The following IL22RA1 variants were observed in gnomAD, a reference collection of about 807,000 sequenced individuals.
IL22RA1 encodes the protein interleukin-22 receptor subunit alpha-1.
In IL22RA1, 25 loss-of-function variants were observed where a neutral mutation model predicts 32.8. The observed-to-expected ratio is 0.76, with a 90% confidence interval of 0.55 to 1.06. The LOEUF (loss-of-function observed/expected upper bound fraction) is 1.06, where lower values mean the gene tolerates loss of function less well. Ranked by LOEUF, IL22RA1 falls within the 50% of genes least tolerant of loss-of-function variation. The probability of loss-of-function intolerance (pLI) is 0.00; values close to 1 mark genes in which losing one functional copy is unlikely to be tolerated. For synonymous variants in IL22RA1, 305 were observed against 305.0 expected (o/e 1.00, Z 0.00); for missense variants, 709 against 727.4 (o/e 0.97, Z 0.29).
intron 4 of IL22RA1, among the ~76,000 whole-genome samples, chr1:24,132,549 G>T (rs1287247839): frequency 1.3e-5 from 2 of 151,736 alleles, no homozygotes; most frequent in Non-Finnish European, 2.9e-5. Context: ...AGCCAGGATG[G>T]TCTGCATCTC....
Position 24,128,967 on chromosome 1 carries a change from C to T in IL22RA1, c.532-688G>A, listed in dbSNP as rs903269779. ...TCATTTGTCTCTGCAGCCCACCTGG[C>T]TCTGCAGGCTCATCAATGCTGGATA... On this transcript the variant is annotated intron_variant, in intron 4 of 6. Coordinates refer to ENST00000270800, the MANE Select transcript of IL22RA1 (RefSeq NM_021258.4). 5.9e-5 allele frequency among the ~76,000 whole-genome samples: 9 copies of T among 152,228 alleles called. No individual in the cohort carries two copies. The East Asian group carries it at 9.6e-4, about 16-fold the overall frequency.
chr1:24,134,160 A>C, intron 4 of IL22RA1, 51 bp downstream of exon 4: 1 of 1,497,112 alleles, frequency 6.7e-7, no homozygotes, highest in South Asian at 1.2e-5. Flanking sequence ...TCTAATTGGG[A>C]GGGAAGAGGC....
chr1:24,131,663 T>G (rs1018337360), intron 4 of IL22RA1, among the ~76,000 whole-genome samples: 1 of 152,218 alleles, frequency 6.6e-6, no homozygotes, highest in East Asian at 1.9e-4. Flanking sequence ...TCCACAATTA[T>G]AGTTGGAGAG....
At chr1:24,139,932 G>C (rs779318037) in intron 1 of IL22RA1, among the ~76,000 whole-genome samples, 3 of 152,234 alleles carry the variant, frequency 2.0e-5, no homozygotes, top group Non-Finnish European at 4.4e-5. Flanking sequence ...GCCCCAAGTT[G>C]ATCAGATGAA....
Position 24,121,107 on chromosome 1 carries a change from T to A in IL22RA1, c.1423A>T (p.Thr475Ser). Residue 475 changes from threonine to serine, a missense_variant, in exon 7 of 7, where the codon ACA (threonine) becomes TCA (serine). By Grantham distance (58) the Thr-to-Ser change is moderately conservative. Transcript: ENST00000270800. ...CTGTGTAGCACATTTGGGTCAGATG[T>A]TCTGTCTGTGCAAATCCCCAGGGGC... Reference protein sequence around the residue: ...HQPLGICTDRTSDPNVLHSGE... With the variant: ...HQPLGICTDRSSDPNVLHSGE... The A allele has an allele frequency of 6.2e-7, 1 of 1,614,192 alleles. No homozygotes were observed. The highest frequency in any genetic ancestry group is 8.5e-7 in the Non-Finnish European group (1 of 1,180,026).
chr1:24,133,651 G>A (rs555057277), intron 4 of IL22RA1, among the ~76,000 whole-genome samples: 6 of 152,228 alleles, frequency 3.9e-5, no homozygotes, highest in Non-Finnish European at 7.4e-5. Context: ...ATTGATTCTA[G>A]CATTTTCTAA....
At chr1:24,139,382 A>G (rs1293403190) in intron 1 of IL22RA1, among the ~76,000 whole-genome samples, 1 of 152,230 alleles carries the variant, frequency 6.6e-6, no homozygotes, top group African/African-American at 2.4e-5. Flanking sequence ...ACCATGAATA[A>G]TGCTGCTGTG....
chr1:24,125,359 C>T (rs1355754624), intron 5 of IL22RA1, among the ~76,000 whole-genome samples: 1 of 152,158 alleles, frequency 6.6e-6, no homozygotes. Flanking sequence ...TGCAAGGAAG[C>T]CTCAGTTTCC....
intron 3 of IL22RA1, among the ~76,000 whole-genome samples, chr1:24,135,958 C>T (rs915192816): frequency 2.6e-5 from 4 of 152,102 alleles, no homozygotes; most frequent in Non-Finnish European, 5.9e-5. Context: ...TACTGAATAT[C>T]TTTTTTATTT....
Position 24,134,330 on chromosome 1 carries a change from T to C in IL22RA1, c.412A>G (p.Ile138Val). 1 of 1,601,056 alleles carries C rather than the reference T, an allele frequency of 6.2e-7. No homozygotes were observed. The highest frequency in any genetic ancestry group is 8.5e-7 in the Non-Finnish European group (1 of 1,173,502). ...CISKVRSIQM[I>V]VHPTPTPIRA... ...ATTGGCGTGGGGGTAGGATGAACAA[T>C]CATCTGAATCGATCTCACTTTGGAG... Residue 138 changes from isoleucine to valine, a missense_variant, in exon 4 of 7, where the codon ATT (isoleucine) becomes GTT (valine). By Grantham distance (29) the Ile-to-Val change is conservative. Coordinates refer to ENST00000270800, the MANE Select transcript of IL22RA1 (RefSeq NM_021258.4).
At chr1:24,138,095 C>T (rs1034544099) in intron 2 of IL22RA1, among the ~76,000 whole-genome samples, 2 of 152,158 alleles carry the variant, frequency 1.3e-5, no homozygotes, top group Admixed American at 1.3e-4. Context: ...CAGGCCACCC[C>T]TCCTCACCTG....
rs1355336745 is a variant in IL22RA1 at position 24,121,434 on chromosome 1, G to A, written c.1096C>T (p.Pro366Ser). 4 of 1,549,642 alleles carry A rather than the reference G, an allele frequency of 2.6e-6. No homozygotes were observed. The highest frequency in any genetic ancestry group is 1.7e-4 in the Middle Eastern group (1 of 5,736). ...AATTGAGCTTCGGGGGTCACCTGAG[G>A]TGCATAGGATGGGGGCCCGACCTCA... Reference protein sequence around the residue: ...APEVGPPSYAPQVTPEAQFPF... With the variant: ...APEVGPPSYASQVTPEAQFPF... The change falls in exon 7 of 7, where the codon CCT becomes TCT. Residue 366 changes from proline to serine, a missense_variant. By Grantham distance (74) the Pro-to-Ser change is moderately conservative. Transcript: ENST00000270800.
At chr1:24,125,714 T>A (rs186179195) in intron 5 of IL22RA1, among the ~76,000 whole-genome samples, 1 of 152,294 alleles carries the variant, frequency 6.6e-6, no homozygotes, top group Non-Finnish European at 1.5e-5. Flanking sequence ...GAGTTCCTCC[T>A]CTGTAAAACG....
At chr1:24,122,335 T>C (rs1457587071) in intron 6 of IL22RA1, among the ~76,000 whole-genome samples, 29 of 151,634 alleles carry the variant, frequency 1.9e-4, no homozygotes, top group Non-Finnish European at 1.5e-5. Context: ...GCTGATGTGA[T>C]TTGTGTGGCT....
intron 2 of IL22RA1, among the ~76,000 whole-genome samples, chr1:24,138,121 A>G (rs1471277897): frequency 6.6e-6 from 1 of 152,164 alleles, no homozygotes; most frequent in Non-Finnish European, 1.5e-5. Flanking sequence ...GAGGGAGAGG[A>G]GCAGGAACAG....
rs1051483888 is a variant in IL22RA1, at chr1:24,120,568, T to G, written c.*237A>C. The G allele has an allele frequency of 8.1e-6, 4 of 494,260 alleles. No homozygotes were observed. Among genetic ancestry groups the G allele is most frequent in the Non-Finnish European group, 1.4e-5 (4 of 280,236 alleles). The allele number at this position is 494,260 out of a possible 1,614,324, so 30.6% of individuals were successfully genotyped here. On this transcript the variant is annotated 3_prime_UTR_variant, in exon 7 of 7. Coordinates refer to ENST00000270800, the MANE Select transcript of IL22RA1 (RefSeq NM_021258.4). The stretch of plus-strand genomic sequence containing the variant: ...TTGCAGGGCTCAGCGAGCACGCGCT[T>G]GTCTACACAAGCTGCTCCCCAGAGC...
intron 4 of IL22RA1, among the ~76,000 whole-genome samples, chr1:24,128,593 C>G (rs1414406398): frequency 6.6e-6 from 1 of 151,678 alleles, no homozygotes; most frequent in Non-Finnish European, 1.5e-5. Context: ...TCATTATGAC[C>G]TCCACCACCC....
At chr1:24,126,382 G>C (rs1284583530) in intron 5 of IL22RA1, among the ~76,000 whole-genome samples, 9 of 152,186 alleles carry the variant, frequency 5.9e-5, no homozygotes, top group Non-Finnish European at 5.9e-5. Context: ...CTGAGGACCA[G>C]AGTGTCATTT....
rs1185170808 is a variant in IL22RA1 at position 24,134,783 on chromosome 1, AAAT to A, written c.356-400_356-398del. On this transcript the variant is annotated intron_variant, in intron 3 of 6. Coordinates refer to ENST00000270800, the MANE Select transcript of IL22RA1 (RefSeq NM_021258.4). ...GTCAATGACATCAACTACACATCCTAAATAATGTTTGGGGCCTAATACTATTGA... is the reference window on the plus strand; with the variant it reads ...GTCAATGACATCAACTACACATCCTAAATGTTTGGGGCCTAATACTATTGA... The A allele has an allele frequency of 4.3e-6, 4 of 921,736 alleles. No individual in the cohort carries two copies. The South Asian group carries it at 1.5e-4, about 35-fold the overall frequency. 57.1% of individuals were successfully genotyped at this position (921,736 alleles called of 1,614,324 possible).
Sources: gnomAD v4.1 joint callset for allele counts (sites outside exome capture counted in the v4.1 genomes callset) on GRCh38, gnomAD v4.1.1 for gene constraint, MANE v1.5 for transcripts, NCBI Gene and HGNC (gene_info 2026-07-23, HGNC 2026-07-21) for gene names.